The following TEX2 variants were observed in gnomAD, a reference collection of about 807,000 sequenced individuals.
The protein encoded by TEX2 is testis-expressed protein 2.
A neutral mutation model predicts 106.9 loss-of-function variants in TEX2; 53 were observed. The ratio of observed to expected loss-of-function variants is 0.50; its 90% CI spans 0.40 to 0.62. TEX2 has a LOEUF of 0.62. TEX2 is among the 20% of genes least tolerant of loss of function. TEX2 has a pLI of 0.00. For synonymous variants in TEX2, 523 were observed against 534.8 expected (o/e 0.98, Z 0.30); for missense variants, 1,207 against 1,379.0 (o/e 0.88, Z 1.98).
At chr17:64,182,983 G>A (rs1159817910) in intron 5 of TEX2, among the ~76,000 whole-genome samples, 1 of 151,130 alleles carries the variant, frequency 6.6e-6, no homozygotes, top group Non-Finnish European at 1.5e-5. Flanking sequence ...TCGGCTCACT[G>A]CAACCTATGC....
intron 1 of TEX2, among the ~76,000 whole-genome samples, chr17:64,230,384 T>C (rs954829137): frequency 6.6e-6 from 1 of 152,140 alleles, no homozygotes; most frequent in Non-Finnish European, 1.5e-5. Context: ...CTGGCAAGGT[T>C]AGGAGATACT....
Position 64,153,003 on chromosome 17 carries a change from G to T in TEX2, c.3082C>A (p.Gln1028Lys). ...ACCGCCAAGGTTCCTCTACATTCTT[G>T]TACTTCAACAGTGAGCAGCAGGGGT... is the stretch of plus-strand genomic sequence containing the variant. ...NTPLLLTVEV[Q>K]ECRGTLAVNI... The change falls in exon 10 of 12, where the codon CAA becomes AAA. Residue 1028 changes from glutamine (Q) to lysine (K), a missense_variant. Physicochemically the swap from Gln to Lys is moderately conservative, Grantham distance 53. This residue lies in a region of TEX2 where 63 missense variants were observed against 112.2 expected (regional missense o/e 0.56). Transcript: ENST00000584379. The surrounding 1 kb of genome is among the most constrained non-coding windows in gnomAD (Gnocchi z 4.1). The T allele has an allele frequency of 1.2e-6, 2 of 1,614,180 alleles. No individual in the cohort carries two copies. Among genetic ancestry groups the T allele is most frequent in the Non-Finnish European group, 1.7e-6 (2 of 1,180,030 alleles).
chr17:64,202,796 A>G (rs2032712489), intron 2 of TEX2, among the ~76,000 whole-genome samples: 1 of 152,194 alleles, frequency 6.6e-6, no homozygotes, highest in African/African-American at 2.4e-5. Flanking sequence ...CTCAACCCAC[A>G]CTAAAGTGAC....
At chr17:64,176,998 T>C (rs576316619) in intron 6 of TEX2, among the ~76,000 whole-genome samples, 3 of 152,312 alleles carry the variant, frequency 2.0e-5, no homozygotes, top group Non-Finnish European at 4.4e-5. Flanking sequence ...TTAAGTTCAT[T>C]TCCAACTTAA....
At chr17:64,263,090 G>A (rs2034327958) in intron 1 of TEX2, 78 bp downstream of exon 1, 1 of 152,308 alleles carries the variant, frequency 6.6e-6, no homozygotes, top group Non-Finnish European at 1.5e-5. Flanking sequence ...AAGCCCGCGG[G>A]GTCGATCCGC....
intron 2 of TEX2, among the ~76,000 whole-genome samples, chr17:64,211,814 C>T (rs1250667508): frequency 2.0e-5 from 3 of 152,114 alleles, no homozygotes; most frequent in African/African-American, 7.2e-5. Flanking sequence ...TGTGTATACA[C>T]ATAACCAGAA....
At chr17:64,188,078 T>A (rs763172354) in intron 5 of TEX2, 90 bp downstream of exon 5, 71 of 1,448,948 alleles carry the variant, frequency 4.9e-5, no homozygotes, top group Non-Finnish European at 6.4e-5. Context: ...GTTATCCCAG[T>A]GCCCACAACA....
chr17:64,238,224 T>C (rs1436714604), intron 1 of TEX2, among the ~76,000 whole-genome samples: 2 of 152,106 alleles, frequency 1.3e-5, no homozygotes, highest in Non-Finnish European at 2.9e-5. Flanking sequence ...CGCTTGACCC[T>C]GGAGGTGGAG....
chr17:64,253,065 C>G (rs934490245), intron 1 of TEX2, among the ~76,000 whole-genome samples: 1 of 152,086 alleles, frequency 6.6e-6, no homozygotes, highest in African/African-American at 2.4e-5. Flanking sequence ...TAAACATGTT[C>G]GGAATGTAGA....
intron 7 of TEX2, among the ~76,000 whole-genome samples, chr17:64,163,285 C>T (rs934176871): frequency 8.6e-5 from 13 of 151,874 alleles, no homozygotes; most frequent in African/African-American, 1.2e-4. Context: ...CCACCATGCC[C>T]GGCTAACATA....
At chr17:64,188,771 ATG>A (rs1567928283) in intron 4 of TEX2, among the ~76,000 whole-genome samples, 1 of 151,388 alleles carries the variant, frequency 6.6e-6, no homozygotes. Context: ...AGCCAAGATC[ATG>A]CCACTGCACT....
At position 64,212,826 on chromosome 17, in the gene TEX2, C is replaced by A. The variant is rs781859283; in HGVS notation, c.1392G>T (p.Ser464=). 6.2e-7 allele frequency: 1 copy of A among 1,613,930 alleles called. No homozygotes were observed. Among genetic ancestry groups the A allele is most frequent in the African/African-American group, 1.3e-5 (1 of 74,906 alleles). ...VVLDSEDEVD[S]AVQHPELPVK... is the part of the protein sequence containing the mutation. ...CTGGCAATTCCGGGTGCTGCACGGC[C>A]GAGTCCACCTCGTCCTCACTGTCAA... The change falls in exon 2 of 12, where the codon TCG becomes TCT. Residue 464 remains serine, a synonymous_variant. Transcript: ENST00000584379.
Position 64,149,076 on chromosome 17 carries a change from G to T in TEX2, c.3277C>A (p.Pro1093Thr). 1 of 1,613,658 alleles carries T rather than the reference G, an allele frequency of 6.2e-7. No individual in the cohort carries two copies. Among genetic ancestry groups the T allele is most frequent in the South Asian group, 1.1e-5 (1 of 90,948 alleles). ...GTGATATAAACATCATCCATGTTTG[G>T]CATGACAAAAACTTTCTGTAGGAAG... Reference protein sequence around the residue: ...EQEFQKVFVMPNMDDVYITIM... With the variant: ...EQEFQKVFVMTNMDDVYITIM... Residue 1093 changes from proline to threonine, a missense_variant, in exon 12 of 12, where the codon CCA (proline) becomes ACA (threonine). Coordinates refer to ENST00000584379, the MANE Select transcript of TEX2 (RefSeq NM_001288732.2).
In TEX2 at chr17:64,170,622, CTTTTT is replaced by C. The variant is rs71156002; in HGVS notation, c.2671+473_2671+477del. 1.4e-4 allele frequency among the ~76,000 whole-genome samples: 10 copies of C among 73,740 alleles called. No individual in the cohort carries two copies. The East Asian group carries it at 2.8e-3, about 21-fold the overall frequency. The allele number at this position is 73,740 out of a possible 152,430, so 48.4% of individuals were successfully genotyped here. On this transcript the variant is annotated intron_variant, in intron 7 of 11. Transcript: ENST00000584379. ...ATGGGAGCTTGGATCTATTCCAAATCTTTTTTTTTTTTTTTTTTTTTTTTTGTGAG... is the reference window on the plus strand; with the variant it reads ...ATGGGAGCTTGGATCTATTCCAAATCTTTTTTTTTTTTTTTTTTTTGTGAG...
Position 64,148,827 on chromosome 17 carries a change from G to A in TEX2, c.*142C>T. On this transcript the variant is annotated 3_prime_UTR_variant, in exon 12 of 12. Transcript: ENST00000584379. ...GGAATGACACCTCACAGTGGAATGGGCACTGGCAGGCAGAGGGCAGAAGCA... is the reference window on the plus strand; with the variant it reads ...GGAATGACACCTCACAGTGGAATGGACACTGGCAGGCAGAGGGCAGAAGCA... 2.0e-6 allele frequency: 2 copies of A among 979,772 alleles called. No individual in the cohort carries two copies. The highest frequency in any genetic ancestry group is 3.0e-6 in the Non-Finnish European group (2 of 670,236). The allele number at this position is 979,772 out of a possible 1,614,324, so 60.7% of individuals were successfully genotyped here. A position where few individuals can be genotyped will look rare whatever the true frequency, so the allele number is the denominator to read the frequency against.
intron 1 of TEX2, among the ~76,000 whole-genome samples, chr17:64,253,442 G>A (rs1335499010): frequency 6.6e-6 from 1 of 151,930 alleles, no homozygotes; most frequent in Non-Finnish European, 1.5e-5. Flanking sequence ...TGAGATTACA[G>A]GTGTGAGCCA....
At position 64,188,258 on chromosome 17, in the gene TEX2, C is replaced by G. The variant is rs373172847; in HGVS notation, c.2334G>C (p.Val778=). The G allele has an allele frequency of 1.9e-6, 3 of 1,613,902 alleles. No homozygotes were observed. The Admixed American group carries it at 5.0e-5, about 27-fold the overall frequency. ...CCTGGGGGACACACCTGCCCATGTA[C>G]ACGCTGTAGTCGAGAAGCATCTTCT... ...VRQKMLLDYS[V]YMGRCVPQES... is the part of the protein sequence containing the mutation. The change falls in exon 5 of 12, where the codon GTG becomes GTC. Residue 778 remains valine (V), a synonymous_variant. Transcript: ENST00000584379.
chr17:64,158,517 A>G (rs1176295387), intron 8 of TEX2, among the ~76,000 whole-genome samples: 4 of 152,238 alleles, frequency 2.6e-5, no homozygotes, highest in Non-Finnish European at 4.4e-5. Flanking sequence ...GGAAGATGTC[A>G]GTTCCAAAGG....
chr17:64,256,147 T>C (rs1182826516), intron 1 of TEX2: 1 of 152,246 alleles, frequency 6.6e-6, no homozygotes, highest in African/African-American at 2.4e-5. Context: ...TTCTGCCCTA[T>C]GGTTACGCTA....
Sources: allele counts gnomAD v4.1 joint callset (sites outside exome capture counted in the v4.1 genomes callset), GRCh38; gene constraint gnomAD v4.1.1; regional missense constraint gnomAD v4.1.1; non-coding constraint Gnocchi (gnomAD v3.1); transcripts MANE v1.5; gene names NCBI Gene and HGNC (gene_info 2026-07-23, HGNC 2026-07-21).